Variants in LTAP1 observed in about 807,000 individuals in gnomAD.
The protein encoded by LTAP1 is HCV NS5A-transactivated protein 4.
the LTAP1 span, chr1:154,220,200 C>T: frequency 9.4e-7 from 1 of 1,063,578 alleles, no homozygotes; most frequent in South Asian, 1.3e-5. Flanking sequence ...GACTTAAACT[C>T]CCACCTACTC....
the LTAP1 span, among the ~76,000 whole-genome samples, chr1:154,217,372 A>G: frequency 6.6e-6 from 1 of 152,236 alleles, no homozygotes; most frequent in African/African-American, 2.4e-5. Context: ...CAATCAAAGT[A>G]AAGAATATTT....
the LTAP1 span, chr1:154,212,061 T>C: frequency 1.7e-5 from 7 of 419,708 alleles, no homozygotes; most frequent in Non-Finnish European, 3.1e-5. Context: ...TTCTCCATGT[T>C]GGTCAGGCTG....
At chr1:154,211,858 CTTCTT>C in the LTAP1 span, 4 of 159,786 alleles carry the variant, frequency 2.5e-5, no homozygotes, top group South Asian at 6.6e-4. Flanking sequence ...GCTTTCTTTT[CTTCTT>C]TTTTTTTTTT....
the LTAP1 span, chr1:154,219,825 T>C: frequency 1.3e-6 from 2 of 1,579,372 alleles, no homozygotes; most frequent in Non-Finnish European, 1.7e-6. Flanking sequence ...ACTTGTGCCC[T>C]AAGGACCTAC....
At chr1:154,208,258 T>C in the LTAP1 span, among the ~76,000 whole-genome samples, 1 of 152,060 alleles carries the variant, frequency 6.6e-6, no homozygotes, top group Non-Finnish European at 1.5e-5. Context: ...TAGCCAGGTA[T>C]GGTGGCAAGC....
the LTAP1 span, chr1:154,219,997 TAA>T: frequency 2.2e-6 from 3 of 1,353,208 alleles, no homozygotes; most frequent in Non-Finnish European, 3.1e-6. Flanking sequence ...GTTTTTTTTT[TAA>T]AAAAGCATGC....
chr1:154,212,439 G>C, the LTAP1 span: 2 of 1,613,988 alleles, frequency 1.2e-6, no homozygotes, highest in Non-Finnish European at 1.7e-6. Context: ...TTAGTGCCCC[G>C]AAGAAAAAAC....
the LTAP1 span, chr1:154,213,269 T>C: frequency 6.6e-6 from 1 of 152,654 alleles, no homozygotes; most frequent in Non-Finnish European, 1.5e-5. Flanking sequence ...ATCGTGCTAC[T>C]GCACTCCAGC....
At chr1:154,215,153 C>T in the LTAP1 span, among the ~76,000 whole-genome samples, 1 of 152,086 alleles carries the variant, frequency 6.6e-6, no homozygotes, top group Admixed American at 6.6e-5. Flanking sequence ...CCTCTCTTGC[C>T]TCAGCCTTCT....
At chr1:154,216,884 C>T in the LTAP1 span, among the ~76,000 whole-genome samples, 3 of 151,452 alleles carry the variant, frequency 2.0e-5, no homozygotes, top group Non-Finnish European at 2.9e-5. Context: ...CCTGAGCTGA[C>T]GTGATCAGCC....
At chr1:154,212,268 A>C in the LTAP1 span, 1 of 1,588,036 alleles carries the variant, frequency 6.3e-7, no homozygotes, top group East Asian at 2.2e-5. Flanking sequence ...CTGTGGCAAC[A>C]GTCCAACACT....
the LTAP1 span, among the ~76,000 whole-genome samples, chr1:154,210,508 C>T: frequency 1.6e-4 from 24 of 152,018 alleles, no homozygotes; most frequent in South Asian, 4.2e-4. Flanking sequence ...GATGGAGTCT[C>T]GCTCTGTCGC....
chr1:154,217,709 T>C, the LTAP1 span, among the ~76,000 whole-genome samples: 1 of 152,008 alleles, frequency 6.6e-6, no homozygotes, highest in Non-Finnish European at 1.5e-5. Flanking sequence ...GGTTTCACCA[T>C]GTTGGCTGGT....
chr1:154,210,877 T>A, the LTAP1 span, among the ~76,000 whole-genome samples: 2 of 152,192 alleles, frequency 1.3e-5, no homozygotes, highest in African/African-American at 2.4e-5. Flanking sequence ...TTAAAAACAT[T>A]CCCAAACAAA....
At chr1:154,207,355 C>T in the LTAP1 span, 4 of 1,131,284 alleles carry the variant, frequency 3.5e-6, no homozygotes, top group South Asian at 1.3e-5. Flanking sequence ...ACAGTCTGGG[C>T]CTGCTGGGCC....
chr1:154,210,939 G>A, the LTAP1 span, among the ~76,000 whole-genome samples: 2 of 152,084 alleles, frequency 1.3e-5, no homozygotes, highest in East Asian at 1.9e-4. Context: ...ACTCTATAGC[G>A]ATGGCCTTTG....
chr1:154,212,836 A>G, the LTAP1 span: 58 of 541,552 alleles, frequency 1.1e-4, no homozygotes, highest in Non-Finnish European at 1.6e-4. Flanking sequence ...TTATTTTTGT[A>G]TTTTTAGTAG....
At chr1:154,206,776 T>C in the LTAP1 span, 1 of 157,480 alleles carries the variant, frequency 6.4e-6, no homozygotes, top group Non-Finnish European at 1.4e-5. Flanking sequence ...ACCAGTGCAT[T>C]GGGCTTGTTA....
the LTAP1 span, among the ~76,000 whole-genome samples, chr1:154,210,847 G>A: frequency 2.0e-5 from 3 of 151,926 alleles, no homozygotes; most frequent in African/African-American, 4.8e-5. Flanking sequence ...ATGAAAATAC[G>A]AGACTATGTT....
Sources: gnomAD v4.1 joint callset for allele counts (sites outside exome capture counted in the v4.1 genomes callset) on GRCh38, gnomAD v4.1.1 for gene constraint, MANE v1.5 for transcripts, NCBI Gene and HGNC (gene_info 2026-07-23, HGNC 2026-07-21) for gene names.